SLC19A3: variants seen among roughly 807,000 people sequenced by gnomAD.
SLC19A3 encodes the protein thiamine transporter 2.
SLC19A3 carries 31 observed loss-of-function variants against 40.2 expected under a neutral mutation model. The observed-to-expected ratio is 0.77, with a 90% confidence interval of 0.58 to 1.04. The LOEUF is 1.04. Among genes scored for constraint, SLC19A3 ranks in the 50% least tolerant of loss-of-function variants. SLC19A3 has a pLI of 0.00. For missense variants in SLC19A3, 592 were observed against 596.7 expected (o/e 0.99, Z 0.08); for synonymous variants, 212 against 227.5 (o/e 0.93, Z 0.61).
rs566837952 is a variant in SLC19A3, at chr2:227,699,355, C to T, written c.360G>A (p.Glu120=). 230 of 1,614,186 alleles carry T rather than the reference C, an allele frequency of 1.4e-4. 6 individuals are homozygous for T. In the South Asian group the frequency reaches 2.4e-3, roughly 17 times the overall value. ...EFFYGMVTAA[E]VAYYAYIYSV... ...TGTATATGTAGGCGTAGTAGGCCAC[C>T]TCGGCGGCGGTGACCATCCCATAGA... Residue 120 remains glutamate (E), a synonymous_variant, in exon 3 of 6, where the codon GAG becomes GAA. Transcript: ENST00000644224.
intron 1 of SLC19A3, among the ~76,000 whole-genome samples, chr2:227,713,650 A>C (rs963498141): frequency 2.6e-5 from 4 of 152,130 alleles, no homozygotes; most frequent in African/African-American, 9.7e-5. Context: ...ATTAGAAAGA[A>C]GTGCCCCCTA....
intron 4 of SLC19A3, among the ~76,000 whole-genome samples, chr2:227,691,884 A>T (rs1553569159): frequency 6.6e-6 from 1 of 152,176 alleles, no homozygotes; most frequent in Non-Finnish European, 1.5e-5. Flanking sequence ...AGAGATGTAA[A>T]AGGAAACATT....
chr2:227,685,781 G>A lies in SLC19A3; in HGVS notation c.*1616C>T, dbSNP rs1462590721. On this transcript the variant is annotated 3_prime_UTR_variant, in exon 6 of 6. Coordinates refer to ENST00000644224, the MANE Select transcript of SLC19A3 (RefSeq NM_025243.4). ...ACTGCTCAATGCATCCCTTATTGAA[G>A]TTTCTTGAAGTTTCGAAAAACAGGT... The A allele has an allele frequency of 1.3e-5, 2 of 156,800 alleles. No homozygotes were observed. Among genetic ancestry groups the A allele is most frequent in the Non-Finnish European group, 2.8e-5 (2 of 70,952 alleles). The allele number at this position is 156,800 out of a possible 1,614,324, so 9.7% of individuals were successfully genotyped here. A position where few individuals can be genotyped will look rare whatever the true frequency, so the allele number is the denominator to read the frequency against.
intron 4 of SLC19A3, 136 bp from the exon 5 acceptor site, chr2:227,688,443 GACTGTCTGGA>G: frequency 1.4e-6 from 1 of 724,136 alleles, no homozygotes; most frequent in Non-Finnish European, 2.4e-6. Flanking sequence ...GAGAGAGAGA[GACTGTCTGGA>G]AGAAAGTAAA....
intron 1 of SLC19A3, among the ~76,000 whole-genome samples, chr2:227,705,580 C>T (rs1695899603): frequency 6.6e-6 from 1 of 152,074 alleles, no homozygotes. Context: ...ACACTGTCTT[C>T]CACAATGGTT....
Position 227,714,456 on chromosome 2 carries a change from T to C in SLC19A3, c.-3+3487A>G, listed in dbSNP as rs1696258189. 5 of 985,322 alleles carry C rather than the reference T, an allele frequency of 5.1e-6. No individual in the cohort carries two copies. The South Asian group carries it at 1.9e-4, about 37-fold the overall frequency. The allele number at this position is 985,322 out of a possible 1,614,324, so 61.0% of individuals were successfully genotyped here. On this transcript the variant is annotated intron_variant, in intron 1 of 5. Coordinates refer to ENST00000644224, the MANE Select transcript of SLC19A3 (RefSeq NM_025243.4). Reference sequence around the variant, plus strand: ...GAGGATCCCTTGAGTTACCTGTTTTTTTCTGTGCCCCCAGTTTCTTTCTTT... The same window carrying C: ...GAGGATCCCTTGAGTTACCTGTTTTCTTCTGTGCCCCCAGTTTCTTTCTTT...
chr2:227,702,399 T>A (rs982137575), intron 1 of SLC19A3, 79 bp from the exon 2 acceptor site: 43 of 1,405,204 alleles, frequency 3.1e-5, no homozygotes, highest in Middle Eastern at 1.9e-4. Context: ...AACCTGATTT[T>A]TTTTTTTTTT....
At chr2:227,706,428 T>G in intron 1 of SLC19A3, 1 of 1,230,870 alleles carries the variant, frequency 8.1e-7, no homozygotes. Context: ...TATTATAAGC[T>G]CTATCACTTT....
intron 4 of SLC19A3, among the ~76,000 whole-genome samples, chr2:227,693,407 A>G (rs1372861236): frequency 2.0e-5 from 3 of 152,174 alleles, no homozygotes; most frequent in African/African-American, 7.2e-5. Flanking sequence ...CAGAAGAGTG[A>G]ACCCAGAAAC....
At chr2:227,710,984 A>T (rs1050260982) in intron 1 of SLC19A3, among the ~76,000 whole-genome samples, 4 of 152,224 alleles carry the variant, frequency 2.6e-5, no homozygotes, top group African/African-American at 9.6e-5. Flanking sequence ...AAAATAGAAG[A>T]GAATATAACT....
chr2:227,697,007 A>G (rs1559248044), intron 3 of SLC19A3, among the ~76,000 whole-genome samples: 1 of 152,104 alleles, frequency 6.6e-6, no homozygotes. Context: ...AGAGTTTGCA[A>G]TGAGCTGAAA....
chr2:227,705,639 G>A (rs183583762), intron 1 of SLC19A3, among the ~76,000 whole-genome samples: 2 of 152,026 alleles, frequency 1.3e-5, no homozygotes, highest in Non-Finnish European at 2.9e-5. Context: ...TATTTTTCTC[G>A]GCAACCTGGC....
intron 2 of SLC19A3, 33 bp downstream of exon 2, chr2:227,702,136 A>T (rs754648929): frequency 3.1e-6 from 5 of 1,591,030 alleles, no homozygotes; most frequent in Admixed American, 1.7e-5. Context: ...AATTTAAAAA[A>T]CCACATTAAG....
At chr2:227,711,181 G>T (rs1048914708) in intron 1 of SLC19A3, among the ~76,000 whole-genome samples, 20 of 152,144 alleles carry the variant, frequency 1.3e-4, no homozygotes, top group African/African-American at 4.6e-4. Flanking sequence ...ATTTTGGGAG[G>T]CTGAGACAGG....
chr2:227,688,136 C>T, intron 5 of SLC19A3, 30 bp downstream of exon 5: 2 of 1,613,540 alleles, frequency 1.2e-6, no homozygotes, highest in South Asian at 1.1e-5. Flanking sequence ...TTGAGGTTAC[C>T]TAGTTGAAAA....
chr2:227,693,285 AACAAC>A (rs1695302338), intron 4 of SLC19A3, among the ~76,000 whole-genome samples: 4 of 152,162 alleles, frequency 2.6e-5, no homozygotes, highest in African/African-American at 9.7e-5. Context: ...CAACAACAAC[AACAAC>A]AAAAAACTGG....
rs1695591331 is a variant in SLC19A3 at position 227,699,522 on chromosome 2, C to G, written c.193G>C (p.Val65Leu). 6.2e-7 allele frequency: 1 copy of G among 1,613,938 alleles called. No individual in the cohort carries two copies. The highest frequency in any genetic ancestry group is 1.3e-5 in the African/African-American group (1 of 74,874). ...IFPVWTYSYL[V>L]LLLPVFVLTD... ...AGGACAAACACAGGCAGCAGCAGCA[C>G]CAGGTAGGAGTATGTCCAAACGGGG... Residue 65 changes from valine (V) to leucine (L), a missense_variant, in exon 3 of 6, where the codon GTG (valine) becomes CTG (leucine). Coordinates refer to ENST00000644224, the MANE Select transcript of SLC19A3 (RefSeq NM_025243.4).
intron 1 of SLC19A3, among the ~76,000 whole-genome samples, chr2:227,709,018 G>A (rs2106339759): frequency 6.6e-6 from 1 of 152,276 alleles, no homozygotes; most frequent in South Asian, 2.1e-4. Context: ...TTGGATCTAA[G>A]CTAATTTGGA....
chr2:227,687,190 T>C lies in SLC19A3; in HGVS notation c.*207A>G, dbSNP rs914538926. 1 of 515,416 alleles carries C rather than the reference T, an allele frequency of 1.9e-6. No homozygotes were observed. The highest frequency in any genetic ancestry group is 3.4e-6 in the Non-Finnish European group (1 of 296,156). 31.9% of individuals were successfully genotyped at this position (515,416 alleles called of 1,614,324 possible). A position where few individuals can be genotyped will look rare whatever the true frequency, so the allele number is the denominator to read the frequency against. On this transcript the variant is annotated 3_prime_UTR_variant, in exon 6 of 6. Transcript: ENST00000644224. Reference sequence around the variant, plus strand: ...CCCAATATGGGTTGTTTAATTATGATGACGGGTCCTGTCAATTGCATCCAG... The same window carrying C: ...CCCAATATGGGTTGTTTAATTATGACGACGGGTCCTGTCAATTGCATCCAG...
Sources: allele counts gnomAD v4.1 joint callset (sites outside exome capture counted in the v4.1 genomes callset), GRCh38; gene constraint gnomAD v4.1.1; transcripts MANE v1.5; gene names NCBI Gene and HGNC (gene_info 2026-07-23, HGNC 2026-07-21).